The following CAPS2 variants were observed in gnomAD, a reference collection of about 807,000 sequenced individuals.
The protein encoded by CAPS2 is calcyphosine 2.
CAPS2 carries 98 observed loss-of-function variants against 86.5 expected under a neutral mutation model. The ratio of observed to expected loss-of-function variants is 1.13; its 90% CI spans 0.96 to 1.34. The LOEUF (loss-of-function observed/expected upper bound fraction) is 1.34, where lower values mean the gene tolerates loss of function less well. Ranked by LOEUF, CAPS2 falls within the 40% of genes most tolerant of loss-of-function variation. The probability of loss-of-function intolerance (pLI) is 0.00; values close to 1 mark genes in which losing one functional copy is unlikely to be tolerated. For synonymous variants in CAPS2, 210 were observed against 225.1 expected (o/e 0.93, Z 0.60); for missense variants, 729 against 686.8 (o/e 1.06, Z -0.69).
intron 8 of CAPS2, among the ~76,000 whole-genome samples, chr12:75,302,793 T>A (rs991779950): frequency 1.6e-4 from 25 of 152,178 alleles, no homozygotes; most frequent in Non-Finnish European, 2.9e-5. Flanking sequence ...TCAACTACAT[T>A]AGTCTCCAGT....
At chr12:75,322,314 G>T (rs2040381721) in intron 4 of CAPS2, among the ~76,000 whole-genome samples, 1 of 152,062 alleles carries the variant, frequency 6.6e-6, no homozygotes, top group South Asian at 2.1e-4. Context: ...AAATACAAGG[G>T]CATATTGTAT....
chr12:75,278,920 A>C lies in CAPS2; in HGVS notation c.1758T>G (p.Val586=), dbSNP rs756899716. ...TCCCCCATGGAGTACGTAAGATGTT[A>C]ACAAAGTCTTCATCATCTACTATTC... is the stretch of plus-strand genomic sequence containing the variant. Residue 586 remains valine, a synonymous_variant, in exon 17 of 17, where the codon GTT becomes GTG. Transcript: ENST00000393284. The C allele has an allele frequency of 2.8e-5, 44 of 1,596,214 alleles. 1 individual carries two copies. The South Asian group carries it at 3.3e-4, about 12-fold the overall frequency.
chr12:75,284,512 T>C (rs955779300), intron 15 of CAPS2, among the ~76,000 whole-genome samples: 1 of 152,124 alleles, frequency 6.6e-6, no homozygotes, highest in Admixed American at 6.5e-5. Context: ...AGAGAAACAT[T>C]TTTTAGTCAT....
intron 16 of CAPS2, among the ~76,000 whole-genome samples, chr12:75,279,561 T>A (rs1167198981): frequency 2.7e-5 from 4 of 150,758 alleles, no homozygotes; most frequent in Non-Finnish European, 5.9e-5. Context: ...TGAGAGTTAA[T>A]TTTTTTTCCC....
chr12:75,291,523 A>G (rs1370910131), intron 13 of CAPS2, among the ~76,000 whole-genome samples: 22 of 54,616 alleles, frequency 4.0e-4, no homozygotes, highest in East Asian at 1.1e-3. Flanking sequence ...ATATATATAT[A>G]GCTTATTTTA....
At chr12:75,361,366 C>T (rs949625705) in intron 1 of CAPS2, among the ~76,000 whole-genome samples, 2 of 152,178 alleles carry the variant, frequency 1.3e-5, no homozygotes, top group African/African-American at 4.8e-5. Flanking sequence ...CAATCCAGTA[C>T]AAAGATTTAA....
chr12:75,292,820 C>T (rs957123550), intron 12 of CAPS2, among the ~76,000 whole-genome samples: 13 of 150,230 alleles, frequency 8.7e-5, no homozygotes, highest in Non-Finnish European at 1.6e-4. Context: ...TAATTTTTCA[C>T]TGTGCACTTT....
intron 1 of CAPS2, among the ~76,000 whole-genome samples, chr12:75,374,512 T>A (rs2044547366): frequency 6.6e-6 from 1 of 152,214 alleles, no homozygotes; most frequent in Non-Finnish European, 1.5e-5. Flanking sequence ...TAATGGGGTT[T>A]ATTTCCCATC....
chr12:75,390,391 G>C (rs774515369), intron 1 of CAPS2: 4 of 456,088 alleles, frequency 8.8e-6, no homozygotes, highest in Non-Finnish European at 1.8e-5. Context: ...GCTGATGAGA[G>C]AAGAAGTAGA....
At chr12:75,288,025 A>G (rs531339221) in intron 14 of CAPS2, among the ~76,000 whole-genome samples, 20 of 152,358 alleles carry the variant, frequency 1.3e-4, no homozygotes, top group Middle Eastern at 3.4e-3. Flanking sequence ...TGGAACCCCC[A>G]CAAGCATTTG....
intron 7 of CAPS2, 29 bp from the exon 8 acceptor site, chr12:75,304,905 T>C: frequency 1.9e-6 from 3 of 1,598,254 alleles, no homozygotes; most frequent in Non-Finnish European, 1.7e-6. Flanking sequence ...AGTCCAACAA[T>C]TAAATATGAT....
chr12:75,334,703 A>G (rs1192658446), upstream of CAPS2: 10 of 1,602,436 alleles, frequency 6.2e-6, no homozygotes, highest in Non-Finnish European at 8.5e-6. Flanking sequence ...CAGTCAGGGC[A>G]TCCTCCGCAT....
At chr12:75,383,563 A>T (rs2139830254) in intron 1 of CAPS2, among the ~76,000 whole-genome samples, 1 of 152,302 alleles carries the variant, frequency 6.6e-6, no homozygotes, top group East Asian at 1.9e-4. Flanking sequence ...GACAAGAAGA[A>T]ATAGACGAAT....
chr12:75,372,357 A>G (rs954737060), intron 1 of CAPS2, among the ~76,000 whole-genome samples: 6 of 152,182 alleles, frequency 3.9e-5, no homozygotes, highest in Non-Finnish European at 1.5e-5. Context: ...AGCCAACACT[A>G]TAACTCTTGT....
rs549774062 is a variant in CAPS2 at position 75,369,706 on chromosome 12, T to C, written c.-395+21132A>G. The C allele has an allele frequency of 7.4e-5, 73 of 985,150 alleles. No homozygotes were observed. In the African/African-American group the frequency reaches 9.2e-4, roughly 12 times the overall value. 61.0% of individuals were successfully genotyped at this position (985,150 alleles called of 1,614,324 possible). ...AATAAAGTTAACTACTTTATAGCTTTTTCTGGTTTTGACTTTTGTGCCTTC... is the reference window on the plus strand; with the variant it reads ...AATAAAGTTAACTACTTTATAGCTTCTTCTGGTTTTGACTTTTGTGCCTTC... On this transcript the variant is annotated intron_variant, in intron 1 of 5. Coordinates refer to the CAPS2 transcript ENST00000551829.
At chr12:75,276,048 C>A (rs143072850), downstream of CAPS2, 808 of 672,382 alleles carry the variant, frequency 1.2e-3, 4 homozygotes, top group East Asian at 4.5e-3. Flanking sequence ...GTTTATAGAA[C>A]TTTAAAATAA....
chr12:75,318,860 T>G (rs1302724937), intron 5 of CAPS2, among the ~76,000 whole-genome samples: 1 of 152,118 alleles, frequency 6.6e-6, no homozygotes, highest in Non-Finnish European at 1.5e-5. Context: ...TTACCCCCAG[T>G]GCCTGGACAG....
intron 5 of CAPS2, chr12:75,318,001 C>T (rs1444503858): frequency 2.0e-5 from 3 of 152,110 alleles, no homozygotes; most frequent in Non-Finnish European, 4.4e-5. Context: ...TTCCCAACCC[C>T]TCCCCCCGAG....
chr12:75,293,170 T>G (rs774017507), intron 12 of CAPS2, 79 bp downstream of exon 12: 10 of 860,330 alleles, frequency 1.2e-5, no homozygotes, highest in African/African-American at 5.1e-5. Context: ...AAATACCTTA[T>G]AGTAGAATGT....
Sources: gnomAD v4.1 joint callset for allele counts (sites outside exome capture counted in the v4.1 genomes callset) on GRCh38, gnomAD v4.1.1 for gene constraint, MANE v1.5 for transcripts, NCBI Gene and HGNC (gene_info 2026-07-23, HGNC 2026-07-21) for gene names.